ATP12A: variants seen among roughly 807,000 people sequenced by gnomAD.
The protein encoded by ATP12A is potassium-transporting ATPase alpha chain 2.
ATP12A carries 81 observed loss-of-function variants against 111.2 expected under a neutral mutation model. The observed-to-expected ratio is 0.73, with a 90% CI of 0.61 to 0.88. The LOEUF is 0.88. Ranked by LOEUF, ATP12A falls within the 40% of genes least tolerant of loss-of-function variation. The pLI is 0.00. For synonymous variants in ATP12A, 498 were observed against 499.8 expected (o/e 1.00, Z 0.05); for missense variants, 1,196 against 1,313.1 (o/e 0.91, Z 1.38).
intron 14 of ATP12A, among the ~76,000 whole-genome samples, chr13:24,703,050 G>A (rs1014899400): frequency 1.1e-3 from 162 of 152,266 alleles, no homozygotes; most frequent in African/African-American, 3.5e-3. Context: ...AAATTACCAC[G>A]TTAGACAACC....
intron 2 of ATP12A, among the ~76,000 whole-genome samples, chr13:24,684,214 C>A (rs1490212051): frequency 6.6e-6 from 1 of 152,160 alleles, no homozygotes; most frequent in Non-Finnish European, 1.5e-5. Context: ...CCTTAATCTT[C>A]TGAATCCCCA....
In ATP12A at chr13:24,690,335, C is replaced by A; in HGVS notation, c.547-3C>A. 6.2e-7 allele frequency: 1 copy of A among 1,612,640 alleles called. No homozygotes were observed. Among genetic ancestry groups the A allele is most frequent in the South Asian group, 1.1e-5 (1 of 90,980 alleles). ...AGGCATCTGTCATGGTTTTTTTCTGCAGCAAGCTCTCGTCATCCGAGATTC... is the reference window on the plus strand; with the variant it reads ...AGGCATCTGTCATGGTTTTTTTCTGAAGCAAGCTCTCGTCATCCGAGATTC... On this transcript the variant is annotated splice_region_variant and splice_polypyrimidine_tract_variant and intron_variant, in intron 5 of 22. Coordinates refer to ENST00000381946, the MANE Select transcript of ATP12A (RefSeq NM_001676.7).
rs756613912 is a variant in ATP12A at position 24,690,487 on chromosome 13, G to A, written c.681+15G>A. The A allele has an allele frequency of 1.2e-5, 20 of 1,613,432 alleles. 3 individuals carry two copies. In the South Asian group the frequency reaches 2.0e-4, roughly 16 times the overall value. The stretch of plus-strand genomic sequence containing the variant: ...AGGGGTGTCGGGTAAGCGGCAAGGG[G>A]TATCCACCCCAAGGACCATGTTCCA... On this transcript the variant is annotated intron_variant, in intron 6 of 22. Transcript: ENST00000381946.
At position 24,692,437 on chromosome 13, in the gene ATP12A, G is replaced by C; in HGVS notation, c.1077G>C (p.Leu359=). 1 of 1,613,692 alleles carries C rather than the reference G, an allele frequency of 6.2e-7. No individual in the cohort carries two copies. The highest frequency in any genetic ancestry group is 8.5e-7 in the Non-Finnish European group (1 of 1,180,036). Residue 359 remains leucine, a synonymous_variant, in exon 9 of 23, where the codon CTG becomes CTC. Transcript: ENST00000381946. ...EGLLATVTVT[L]SLTAKRMAKK... ...CTTCCCTCTCCTGCTAGGTGACCCT[G>C]TCGCTGACAGCAAAACGGATGGCCA...
At chr13:24,709,045 A>G (rs1046117957) in intron 17 of ATP12A, among the ~76,000 whole-genome samples, 6 of 152,170 alleles carry the variant, frequency 3.9e-5, no homozygotes, top group African/African-American at 1.4e-4. Context: ...GTGGGGCGCA[A>G]TGATCTGTCT....
intron 10 of ATP12A, among the ~76,000 whole-genome samples, chr13:24,694,097 G>A (rs955469923): frequency 4.6e-5 from 7 of 152,138 alleles, no homozygotes; most frequent in African/African-American, 1.7e-4. Flanking sequence ...GAACACTCAC[G>A]GACGAGCCTG....
chr13:24,709,781 GAGA>G lies in ATP12A; in HGVS notation c.2719_2721del (p.Lys907del). 1 of 1,614,258 alleles carries G rather than the reference GAGA, an allele frequency of 6.2e-7. No homozygotes were observed. Among genetic ancestry groups the G allele is most frequent in the South Asian group, 1.1e-5 (1 of 91,084 alleles). On this transcript the variant is annotated inframe_deletion, in exon 19 of 23. Coordinates refer to ENST00000381946, the MANE Select transcript of ATP12A (RefSeq NM_001676.7). ...TCTCATTAACCTGCGGGTAGAATGG[GAGA>G]AGGACTACGTGAATGACTTGAAAGA...
intron 17 of ATP12A, among the ~76,000 whole-genome samples, chr13:24,707,987 A>G (rs929883395): frequency 1.5e-5 from 2 of 129,070 alleles, no homozygotes; most frequent in Non-Finnish European, 3.4e-5. Context: ...TTCATCCTCA[A>G]AAAAAAAAAA....
intron 19 of ATP12A, 73 bp downstream of exon 19, chr13:24,709,901 AG>A: frequency 1.3e-6 from 2 of 1,576,026 alleles, no homozygotes; most frequent in Non-Finnish European, 1.7e-6. Flanking sequence ...AGAATTACAT[AG>A]AACCTCCATG....
chr13:24,684,475 T>C (rs1189001288), intron 2 of ATP12A, among the ~76,000 whole-genome samples: 1 of 152,200 alleles, frequency 6.6e-6, no homozygotes, highest in Non-Finnish European at 1.5e-5. Context: ...TGCTGGACTT[T>C]CTAGGGGGAG....
chr13:24,686,693 C>T (rs908275571), intron 3 of ATP12A, among the ~76,000 whole-genome samples: 1 of 151,906 alleles, frequency 6.6e-6, no homozygotes, highest in Non-Finnish European at 1.5e-5. Flanking sequence ...GAGCGGAGAT[C>T]GCGCCACTGC....
In ATP12A at chr13:24,708,284, C is replaced by T. The variant is rs148827025; in HGVS notation, c.2493+851C>T. Among the ~76,000 whole-genome samples the T allele has an allele frequency of 2.9e-3, 438 of 152,314 alleles. 5 individuals carry two copies. The highest frequency in any genetic ancestry group is 1.5e-3 in the Admixed American group (23 of 15,300). On this transcript the variant is annotated intron_variant, in intron 17 of 22. Coordinates refer to ENST00000381946, the MANE Select transcript of ATP12A (RefSeq NM_001676.7). Reference sequence around the variant, plus strand: ...TAAAGAAAGCCCCGTCTAAGCTGCCCATGTGGCTGTGGCTTACGTGGGCAA... The same window carrying T: ...TAAAGAAAGCCCCGTCTAAGCTGCCTATGTGGCTGTGGCTTACGTGGGCAA...
At chr13:24,709,256 GCCCCCCACCCCATCCAGCCAGT>G in intron 17 of ATP12A, 86 bp from the exon 18 acceptor site, 2 of 584,596 alleles carry the variant, frequency 3.4e-6, no homozygotes, top group East Asian at 3.8e-5. Flanking sequence ...CCAGCTCCAT[GCCCCCCACCCCATCCAGCCAGT>G]GCCCCACCCA....
chr13:24,699,232 G>T (rs190470302), intron 12 of ATP12A, among the ~76,000 whole-genome samples: 4 of 152,134 alleles, frequency 2.6e-5, no homozygotes, highest in Admixed American at 6.6e-5. Context: ...ACAGAAACAG[G>T]GTTCAAGGGC....
chr13:24,702,118 G>A (rs2137713819), intron 14 of ATP12A, 47 bp downstream of exon 14: 1 of 1,611,586 alleles, frequency 6.2e-7, no homozygotes, highest in South Asian at 1.1e-5. Context: ...ATACCCATGG[G>A]GCCCCACTGG....
At chr13:24,706,700 A>G (rs1289463073) in intron 15 of ATP12A, among the ~76,000 whole-genome samples, 1 of 152,240 alleles carries the variant, frequency 6.6e-6, no homozygotes, top group African/African-American at 2.4e-5. Context: ...TTTTGTCATG[A>G]GAGCCCGGTG....
Position 24,692,533 on chromosome 13 carries a change from C to T in ATP12A, c.1173C>T (p.Asp391=), listed in dbSNP as rs746028094. The T allele has an allele frequency of 6.2e-7, 1 of 1,612,928 alleles. No homozygotes were observed. The highest frequency in any genetic ancestry group is 8.5e-7 in the Non-Finnish European group (1 of 1,180,044). The change falls in exon 9 of 23, where the codon GAC becomes GAT. Residue 391 remains aspartate, a synonymous_variant. Coordinates refer to ENST00000381946, the MANE Select transcript of ATP12A (RefSeq NM_001676.7). ...TLGSTSIICS[D]KTGTLTQNRM... The stretch of plus-strand genomic sequence containing the variant: ...GCTCCACCTCCATCATCTGCTCGGA[C>T]AAGACTGGGACACTGACCCAGAACA...
rs1265035303 is a variant in ATP12A, at chr13:24,689,255, C to T, written c.433-7C>T. 10 of 1,612,820 alleles carry T rather than the reference C, an allele frequency of 6.2e-6. No homozygotes were observed. The African/African-American group carries it at 6.7e-5, about 11-fold the overall frequency. On this transcript the variant is annotated splice_region_variant and splice_polypyrimidine_tract_variant and intron_variant, in intron 4 of 22. Coordinates refer to ENST00000381946, the MANE Select transcript of ATP12A (RefSeq NM_001676.7). ...TTTCTCTGACTGACGCCCTCCTTCT[C>T]ACCCAGGTGTACTTGGGCTGTGTGC...
intron 7 of ATP12A, 124 bp from the exon 8 acceptor site, chr13:24,690,858 G>C (rs765525399): frequency 1.4e-6 from 2 of 1,471,020 alleles, no homozygotes; most frequent in Non-Finnish European, 1.9e-6. Context: ...CCTAGAGGAC[G>C]ATGCTTGGCC....
Sources: allele counts gnomAD v4.1 joint callset (sites outside exome capture counted in the v4.1 genomes callset), GRCh38; gene constraint gnomAD v4.1.1; transcripts MANE v1.5; gene names NCBI Gene and HGNC (gene_info 2026-07-23, HGNC 2026-07-21).